Variants in PCDH15 observed in about 807,000 individuals in gnomAD.
PCDH15 encodes protocadherin-15.
PCDH15 carries 129 observed loss-of-function variants against 178.5 expected under a neutral mutation model. The observed-to-expected ratio is 0.72, with a 90% CI of 0.63 to 0.84. The LOEUF (loss-of-function observed/expected upper bound fraction) is 0.84. Ranked by LOEUF, PCDH15 falls within the 40% of genes least tolerant of loss-of-function variation. The pLI is 0.00. For missense variants in PCDH15, 2,230 were observed against 2,099.9 expected, an observed-to-expected ratio of 1.06 and a Z score of -1.21; for synonymous variants, 800 against 732.0, an observed-to-expected ratio of 1.09 and a Z score of -1.50.
intron 3 of PCDH15, among the ~76,000 whole-genome samples, chr10:54,454,498 T>A (rs1482586112): frequency 6.7e-6 from 1 of 150,262 alleles, no homozygotes; most frequent in Non-Finnish European, 1.5e-5. Flanking sequence ...TTAATAAATA[T>A]TAATAAGCAT....
chr10:54,852,213 CATAAT>C (rs1255799446), intron 3 of PCDH15, among the ~76,000 whole-genome samples: 1 of 151,778 alleles, frequency 6.6e-6, no homozygotes, highest in African/African-American at 2.4e-5. Flanking sequence ...AATGAAAAAG[CATAAT>C]ATGTATATTG....
intron 2 of PCDH15, among the ~76,000 whole-genome samples, chr10:55,478,512 G>T (rs1840107719): frequency 6.6e-6 from 1 of 151,186 alleles, no homozygotes; most frequent in Non-Finnish European, 1.5e-5. Context: ...TCTAAAAAAA[G>T]AAGTTTACAG....
chr10:55,353,810 C>T lies in PCDH15; in HGVS notation c.-155-187159G>A, dbSNP rs575006994. The stretch of plus-strand genomic sequence containing the variant: ...CTTGGTGCCTAAATATCTACGATTG[C>T]AGGAGTACTGTCCCGTGGGTTGTAT... On this transcript the variant is annotated intron_variant, in intron 2 of 5. Transcript: ENST00000613346. Among the ~76,000 whole-genome samples, 6 of 152,146 alleles carry T rather than the reference C, an allele frequency of 3.9e-5. No individual in the cohort carries two copies. The South Asian group carries it at 1.0e-3, about 26-fold the overall frequency.
intron 2 of PCDH15, among the ~76,000 whole-genome samples, chr10:55,406,627 T>C (rs994687229): frequency 6.6e-6 from 1 of 152,048 alleles, no homozygotes; most frequent in Admixed American, 6.6e-5. Context: ...CAATGTTAAA[T>C]TTGAGGCACT....
Position 54,538,825 on chromosome 10 carries a change from C to G in PCDH15, c.92-10948G>C, listed in dbSNP as rs140448259. On this transcript the variant is annotated intron_variant, in intron 2 of 37. Coordinates refer to ENST00000644397, the MANE Select transcript of PCDH15 (RefSeq NM_001384140.1). ...GTGGAACCAAGGGCCAATTAAACCT[C>G]TTTTCTTTATAAATTACCCAGTCTC... Among the ~76,000 whole-genome samples, 1,447 of 152,294 alleles carry G rather than the reference C, an allele frequency of 9.5e-3. 19 individuals carry two copies. Among genetic ancestry groups the G allele is most frequent in the African/African-American group, 0.033 (1,366 of 41,556 alleles).
chr10:53,828,369 T>C (rs1347370087), intron 31 of PCDH15, among the ~76,000 whole-genome samples, 196 bp downstream of exon 31: 2 of 152,144 alleles, frequency 1.3e-5, no homozygotes, highest in Non-Finnish European at 2.9e-5. Context: ...ACTATCTTTT[T>C]CACATTTGTG....
At chr10:53,894,381 T>C (rs981608489) in intron 26 of PCDH15, among the ~76,000 whole-genome samples, 1 of 152,102 alleles carries the variant, frequency 6.6e-6, no homozygotes, top group East Asian at 1.9e-4. Context: ...ATCGGGCGCA[T>C]TCAGGGTGGT....
At chr10:53,809,297 T>C in intron 37 of PCDH15, 1 of 1,613,912 alleles carries the variant, frequency 6.2e-7, no homozygotes, top group Non-Finnish European at 8.5e-7. Context: ...TGGTCCAGAG[T>C]GAGTTTCAAA....
intron 3 of PCDH15, among the ~76,000 whole-genome samples, chr10:54,472,662 A>T (rs2136717362): frequency 6.6e-6 from 1 of 152,290 alleles, no homozygotes; most frequent in South Asian, 2.1e-4. Context: ...TTAAAATAAA[A>T]ACGCATGGCA....
At chr10:53,861,935 A>AT (rs1346179166) in intron 27 of PCDH15, among the ~76,000 whole-genome samples, 1 of 152,120 alleles carries the variant, frequency 6.6e-6, no homozygotes, top group Non-Finnish European at 1.5e-5. Flanking sequence ...AGGTGTTTTA[A>AT]TAGTCCATTT....
chr10:53,886,728 T>A (rs1185023287), intron 26 of PCDH15, among the ~76,000 whole-genome samples: 1 of 151,576 alleles, frequency 6.6e-6, no homozygotes, highest in South Asian at 2.1e-4. Context: ...CAGTATCAAC[T>A]GGTCTTGTTC....
At chr10:54,975,037 T>C (rs566034484) in intron 2 of PCDH15, among the ~76,000 whole-genome samples, 2 of 152,296 alleles carry the variant, frequency 1.3e-5, no homozygotes, top group Non-Finnish European at 2.9e-5. Context: ...AGCTTTTCTA[T>C]TGGACACACC....
At chr10:55,345,833 A>C (rs938940340) in intron 2 of PCDH15, among the ~76,000 whole-genome samples, 8 of 152,094 alleles carry the variant, frequency 5.3e-5, no homozygotes, top group Admixed American at 1.3e-4. Flanking sequence ...CATATATGTA[A>C]GTCAAAGAAA....
intron 2 of PCDH15, among the ~76,000 whole-genome samples, chr10:55,013,347 C>T (rs114338737): frequency 0.016 from 2,447 of 152,188 alleles, 72 homozygotes; most frequent in African/African-American, 0.055. Context: ...CCAATTTTTC[C>T]TAAGATAAAA....
At chr10:55,350,256 TATATATATATATACACACAC>T (rs1472217855) in intron 2 of PCDH15, among the ~76,000 whole-genome samples, 176 of 67,398 alleles carry the variant, frequency 2.6e-3, no homozygotes, top group African/African-American at 0.01. Flanking sequence ...TATATATATA[TATATATATATATACACACAC>T]ACACACACAC....
At chr10:55,254,029 A>C (rs1025449635) in intron 1 of PCDH15, among the ~76,000 whole-genome samples, 1 of 152,188 alleles carries the variant, frequency 6.6e-6, no homozygotes, top group Non-Finnish European at 1.5e-5. Flanking sequence ...AGCATCTTTT[A>C]TACACAGGTC....
At chr10:54,512,421 G>A (rs899939109) in intron 3 of PCDH15, among the ~76,000 whole-genome samples, 2 of 149,158 alleles carry the variant, frequency 1.3e-5, no homozygotes, top group East Asian at 2.0e-4. Flanking sequence ...GGGATGATGC[G>A]TATATGTCTA....
chr10:54,633,241 A>T (rs1320834860), intron 2 of PCDH15, among the ~76,000 whole-genome samples: 1 of 152,116 alleles, frequency 6.6e-6, no homozygotes, highest in Non-Finnish European at 1.5e-5. Context: ...ATTAAAGAGT[A>T]AAGGGGCATC....
At chr10:54,159,661 G>A (rs2045514920) in intron 13 of PCDH15, among the ~76,000 whole-genome samples, 1 of 151,968 alleles carries the variant, frequency 6.6e-6, no homozygotes, top group South Asian at 2.1e-4. Context: ...ATTTTGGTTT[G>A]AGATACCATG....
Sources: allele counts gnomAD v4.1 joint callset (sites outside exome capture counted in the v4.1 genomes callset), GRCh38; gene constraint gnomAD v4.1.1; transcripts MANE v1.5; gene names NCBI Gene and HGNC (gene_info 2026-07-23, HGNC 2026-07-21).